Variants in AACS observed in about 807,000 individuals in gnomAD.
AACS encodes the protein acetoacetyl-CoA synthetase.
A neutral mutation model predicts 83.1 loss-of-function variants in AACS; 69 were observed. That is an observed-to-expected ratio of 0.83 (90% CI 0.68 to 1.01). The LOEUF (loss-of-function observed/expected upper bound fraction) is 1.01. AACS is among the 50% of genes least tolerant of loss of function. AACS has a pLI of 0.00. For synonymous variants in AACS, 333 were observed against 343.4 expected, an observed-to-expected ratio of 0.97 and a Z score of 0.33; for missense variants, 866 against 882.2, an observed-to-expected ratio of 0.98 and a Z score of 0.23.
At chr12:125,116,056 T>G (rs1386356591) in intron 9 of AACS, among the ~76,000 whole-genome samples, 2 of 152,166 alleles carry the variant, frequency 1.3e-5, no homozygotes, top group Non-Finnish European at 2.9e-5. Context: ...AGGTTTTTTT[T>G]TCTGCAGGGA....
chr12:125,134,946 G>A, intron 16 of AACS, 94 bp downstream of exon 16: 1 of 1,424,354 alleles, frequency 7.0e-7, no homozygotes, highest in Non-Finnish European at 9.8e-7. Context: ...GCACAACTCT[G>A]GCCCCTTGTT....
intron 9 of AACS, 160 bp from the exon 10 acceptor site, chr12:125,118,480 TG>T: frequency 1.2e-6 from 1 of 824,622 alleles, no homozygotes; most frequent in Non-Finnish European, 1.9e-6. Flanking sequence ...TTCTTAGATG[TG>T]GAGTTGCCGG....
intron 8 of AACS, among the ~76,000 whole-genome samples, chr12:125,108,382 GCTT>G (rs778456443): frequency 2.3e-4 from 35 of 152,292 alleles, no homozygotes; most frequent in Middle Eastern, 3.4e-3. Flanking sequence ...ATGGGTCCAA[GCTT>G]CTTCTCCTGA....
chr12:125,138,418 C>G (rs1957430740), intron 17 of AACS: 3 of 151,950 alleles, frequency 2.0e-5, no homozygotes, highest in Non-Finnish European at 2.9e-5. Flanking sequence ...AATCAGTGAC[C>G]CTTATTGTCT....
At chr12:125,075,900 G>A (rs1956010102) in intron 2 of AACS, among the ~76,000 whole-genome samples, 1 of 152,106 alleles carries the variant, frequency 6.6e-6, no homozygotes, top group Admixed American at 6.6e-5. Context: ...CTGGAGTTTT[G>A]TTATTTTTTT....
chr12:125,129,465 G>C lies in AACS; in HGVS notation c.1549+5G>C. On this transcript the variant is annotated splice_donor_5th_base_variant and intron_variant, in intron 14 of 17. Coordinates refer to ENST00000316519, the MANE Select transcript of AACS (RefSeq NM_023928.5). This position sits in a 1 kb window ranked among gnomAD's most constrained non-coding sequence, Gnocchi z 4.3. ...CGTATTTCTCCAAATTCCCAGGTCG[G>C]TTGGAGAGATGCAGACAGAGCTGGC... 3.1e-6 allele frequency: 5 copies of C among 1,612,770 alleles called. No individual in the cohort carries two copies. Among genetic ancestry groups the C allele is most frequent in the Non-Finnish European group, 4.2e-6 (5 of 1,179,326 alleles).
intron 12 of AACS, 124 bp downstream of exon 12, chr12:125,125,148 C>T: frequency 7.1e-7 from 1 of 1,408,186 alleles, no homozygotes; most frequent in Non-Finnish European, 9.7e-7. Context: ...TACGCACAGT[C>T]CCTTCTCATG....
At chr12:125,066,006 C>T (rs935020961) in intron 1 of AACS, among the ~76,000 whole-genome samples, 39 of 152,354 alleles carry the variant, frequency 2.6e-4, no homozygotes, top group African/African-American at 9.1e-4. Context: ...CGTGTGACCC[C>T]TTGCTAGGCT....
In AACS at chr12:125,075,738, C is replaced by T. The variant is rs541784691; in HGVS notation, c.238-753C>T. 5.3e-5 allele frequency among the ~76,000 whole-genome samples: 8 copies of T among 152,156 alleles called. No individual in the cohort carries two copies. In the East Asian group the frequency reaches 7.7e-4, roughly 15 times the overall value. On this transcript the variant is annotated intron_variant, in intron 2 of 17. Transcript: ENST00000316519. ...CCTCCCCAGCAGCTGGGACTACAGGCGCACGCTGGCATGCCTGGCTAATTT... is the reference window on the plus strand; with the variant it reads ...CCTCCCCAGCAGCTGGGACTACAGGTGCACGCTGGCATGCCTGGCTAATTT...
chr12:125,110,619 T>C (rs1386640253), intron 8 of AACS, among the ~76,000 whole-genome samples: 2 of 152,168 alleles, frequency 1.3e-5, no homozygotes, highest in African/African-American at 4.8e-5. Context: ...GCTCAGCCTA[T>C]AGGGAGGAGA....
chr12:125,143,174 A>G lies in AACS; in HGVS notation c.*945A>G, dbSNP rs1158314826. The G allele has an allele frequency of 6.6e-6, 1 of 152,218 alleles. No individual in the cohort carries two copies. Among genetic ancestry groups the G allele is most frequent in the East Asian group, 1.9e-4 (1 of 5,200 alleles). The allele number at this position is 152,218 out of a possible 1,614,324, so 9.4% of individuals were successfully genotyped here. A position where few individuals can be genotyped will look rare whatever the true frequency, so the allele number is the denominator to read the frequency against. ...GTTCAGCGTATGAACTTGTATCTCT[A>G]ATCTGATGTCCATTTTTATATTTTT... On this transcript the variant is annotated 3_prime_UTR_variant, in exon 18 of 18. Coordinates refer to ENST00000316519, the MANE Select transcript of AACS (RefSeq NM_023928.5).
chr12:125,070,561 C>G (rs754449652), intron 1 of AACS, among the ~76,000 whole-genome samples: 1 of 152,128 alleles, frequency 6.6e-6, no homozygotes, highest in Non-Finnish European at 1.5e-5. Flanking sequence ...AAGGTGTGGG[C>G]TGGCCAAGAT....
At chr12:125,095,419 A>T (rs890942879) in intron 5 of AACS, among the ~76,000 whole-genome samples, 5 of 152,186 alleles carry the variant, frequency 3.3e-5, no homozygotes, top group Non-Finnish European at 4.4e-5. Context: ...TGGCAGGCTC[A>T]GTCCTTTCAC....
intron 4 of AACS, among the ~76,000 whole-genome samples, chr12:125,087,263 C>T (rs981300697): frequency 3.9e-5 from 6 of 152,232 alleles, no homozygotes; most frequent in South Asian, 4.1e-4. Flanking sequence ...GACCTTGAGG[C>T]GTGGTTTGTC....
chr12:125,106,363 C>T (rs1351253655), intron 7 of AACS, among the ~76,000 whole-genome samples: 1 of 152,202 alleles, frequency 6.6e-6, no homozygotes, highest in Non-Finnish European at 1.5e-5. Context: ...TTCTTGGCCA[C>T]CTACAACAAT....
Position 125,091,426 on chromosome 12 carries a change from G to T in AACS, c.473G>T (p.Gly158Val). ...GCTTCTTCCTATGTTTTCTCCACAG[G>T]TTATTTACCCAACAGTGAGCACGCT... is the stretch of plus-strand genomic sequence containing the variant. Reference protein sequence around the residue: ...MGVKKGDRVVGYLPNSEHAVE... With the variant: ...MGVKKGDRVVVYLPNSEHAVE... Residue 158 changes from glycine to valine, a missense_variant and splice_region_variant, in exon 5 of 18, where the codon GGT (glycine) becomes GTT (valine). By Grantham distance (109) the Gly-to-Val change is moderately radical. Transcript: ENST00000316519. 3 of 1,614,186 alleles carry T rather than the reference G, an allele frequency of 1.9e-6. No homozygotes were observed. The highest frequency in any genetic ancestry group is 2.5e-6 in the Non-Finnish European group (3 of 1,180,014).
chr12:125,082,336 T>A (rs1387023869), intron 3 of AACS, among the ~76,000 whole-genome samples: 1 of 150,990 alleles, frequency 6.6e-6, no homozygotes, highest in Non-Finnish European at 1.5e-5. Flanking sequence ...TGTGCCTGGC[T>A]ATTTCATTTT....
chr12:125,103,715 A>G (rs1402483264), intron 7 of AACS, among the ~76,000 whole-genome samples: 7 of 152,284 alleles, frequency 4.6e-5, no homozygotes, highest in Admixed American at 3.9e-4. Context: ...TTGGCCAGGC[A>G]TGGTGGCTCA....
Position 125,110,888 on chromosome 12 carries a change from A to G in AACS, c.916-3589A>G, listed in dbSNP as rs1213188988. On this transcript the variant is annotated intron_variant, in intron 8 of 17. Coordinates refer to ENST00000316519, the MANE Select transcript of AACS (RefSeq NM_023928.5). ...AGCCCTATTAGGCTTTTTACAGAGT[A>G]TTTTCATCAGAATGTGGAAAGGAGC... is the stretch of plus-strand genomic sequence containing the variant. 2.6e-5 allele frequency among the ~76,000 whole-genome samples: 4 copies of G among 152,180 alleles called. No homozygotes were observed. The East Asian group carries it at 5.8e-4, about 22-fold the overall frequency.
Sources: gnomAD v4.1 joint callset for allele counts (sites outside exome capture counted in the v4.1 genomes callset) on GRCh38, gnomAD v4.1.1 for gene constraint, Gnocchi (gnomAD v3.1) non-coding constraint, MANE v1.5 for transcripts, NCBI Gene and HGNC (gene_info 2026-07-23, HGNC 2026-07-21) for gene names.